AVEN: variants seen among roughly 807,000 people sequenced by gnomAD.
AVEN encodes apoptosis and caspase activation inhibitor.
Under a neutral mutation model 38.1 loss-of-function variants are expected in AVEN, and 41 were observed. The ratio of observed to expected loss-of-function variants is 1.08; its 90% CI spans 0.84 to 1.40. AVEN has a LOEUF of 1.40. Among genes scored for constraint, AVEN ranks in the 40% most tolerant of loss-of-function variants. The probability of loss-of-function intolerance (pLI) is 0.00; values close to 1 mark genes in which losing one functional copy is unlikely to be tolerated. For synonymous variants in AVEN, 206 were observed against 171.8 expected (o/e 1.20, Z -1.56); for missense variants, 605 against 438.8 (o/e 1.38, Z -3.38).
At position 33,867,808 on chromosome 15, in the gene AVEN, A is replaced by C; in HGVS notation, c.660T>G (p.Asp220Glu). ...EVPQVKPKRT[D>E]DGKGLGMQLK... is the part of the protein sequence containing the mutation. ...ACTGCATCCCTAATCCCTTGCCATC[A>C]TCAGTTCTCTTTGGTTTCACCTGAG... is the stretch of plus-strand genomic sequence containing the variant. Residue 220 changes from aspartate to glutamate, a missense_variant, in exon 5 of 6, where the codon GAT (aspartate) becomes GAG (glutamate). By Grantham distance (45) the Asp-to-Glu change is conservative (BLOSUM62 2). Transcript: ENST00000306730. The C allele has an allele frequency of 1.2e-6, 2 of 1,609,844 alleles. No individual in the cohort carries two copies. The highest frequency in any genetic ancestry group is 1.7e-6 in the Non-Finnish European group (2 of 1,178,760).
intron 2 of AVEN, among the ~76,000 whole-genome samples, chr15:33,966,812 T>A (rs1895405320): frequency 6.6e-6 from 1 of 152,186 alleles, no homozygotes; most frequent in Admixed American, 6.5e-5. Context: ...AGAAAGGAGC[T>A]AGGAGTTCAA....
At chr15:33,922,202 A>G (rs56379243) in intron 2 of AVEN, among the ~76,000 whole-genome samples, 106,471 of 151,644 alleles carry the variant, frequency 0.7, 37,556 homozygotes, top group East Asian at 0.81. Context: ...CAACCACTGG[A>G]GTACAAAGCG....
intron 2 of AVEN, among the ~76,000 whole-genome samples, chr15:33,876,544 C>G (rs1231556072): frequency 6.6e-6 from 1 of 152,004 alleles, no homozygotes; most frequent in Non-Finnish European, 1.5e-5. Flanking sequence ...TGCACTCCAG[C>G]CTGGGTGACA....
chr15:34,070,018 A>G (rs1233333534), intron 2 of AVEN, among the ~76,000 whole-genome samples: 1 of 152,186 alleles, frequency 6.6e-6, no homozygotes, highest in African/African-American at 2.4e-5. Flanking sequence ...GGTAATTTAT[A>G]AAGAAAAGAG....
At chr15:34,008,053 T>G (rs1263960423) in intron 1 of AVEN, among the ~76,000 whole-genome samples, 2 of 152,148 alleles carry the variant, frequency 1.3e-5, no homozygotes, top group Non-Finnish European at 2.9e-5. Context: ...TCAGAGGTAC[T>G]GCAGATTAGA....
chr15:33,926,894 GTCTGCCTGCC>G (rs1893626498), intron 2 of AVEN, among the ~76,000 whole-genome samples: 1 of 152,004 alleles, frequency 6.6e-6, no homozygotes, highest in Non-Finnish European at 1.5e-5. Context: ...ACCTCAGGTG[GTCTGCCTGCC>G]TCAGCCTCCC....
At chr15:34,073,207 ATTTTTT>A (rs761265891) in intron 1 of AVEN, among the ~76,000 whole-genome samples, 69 of 111,852 alleles carry the variant, frequency 6.2e-4, no homozygotes, top group African/African-American at 2.3e-3. Flanking sequence ...CGCCCGGCTA[ATTTTTT>A]TTTTTTTTTT....
At chr15:33,857,921 G>T, downstream of AVEN, 1 of 1,380,622 alleles carries the variant, frequency 7.2e-7, no homozygotes, top group Non-Finnish European at 9.6e-7. Context: ...GACGGTGAGA[G>T]CCCACCCACT....
At chr15:34,066,219 G>A (rs1182705229) in intron 3 of AVEN, 2 of 152,216 alleles carry the variant, frequency 1.3e-5, no homozygotes, top group African/African-American at 2.4e-5. Flanking sequence ...GAGGCTTTCG[G>A]GCCTCCGTGA....
At chr15:33,917,409 CTATA>C (rs1567412527) in intron 2 of AVEN, among the ~76,000 whole-genome samples, 42 of 145,870 alleles carry the variant, frequency 2.9e-4, no homozygotes, top group African/African-American at 1.1e-3. Context: ...TGGAATACTA[CTATA>C]TATATACACA....
In AVEN at chr15:33,938,238, G is replaced by A. The variant is rs1380312143; in HGVS notation, c.446-62243C>T. Among the ~76,000 whole-genome samples, 6 of 152,012 alleles carry A rather than the reference G, an allele frequency of 3.9e-5. No individual in the cohort carries two copies. The East Asian group carries it at 5.8e-4, about 15-fold the overall frequency. ...TGGGAGGCCGAGGTGGGCGGATCAC[G>A]AGGTCAGGAGATCGAGACCATCCTG... On this transcript the variant is annotated intron_variant, in intron 2 of 5. Coordinates refer to ENST00000306730, the MANE Select transcript of AVEN (RefSeq NM_020371.3).
intron 2 of AVEN, among the ~76,000 whole-genome samples, chr15:33,999,388 A>C (rs1296716187): frequency 6.6e-6 from 1 of 152,212 alleles, no homozygotes; most frequent in Non-Finnish European, 1.5e-5. Context: ...ATACCTTTGT[A>C]AATGATTCCT....
At chr15:33,878,230 GCTTT>G (rs1781369321) in intron 2 of AVEN, among the ~76,000 whole-genome samples, 1 of 152,004 alleles carries the variant, frequency 6.6e-6, no homozygotes, top group Non-Finnish European at 1.5e-5. Context: ...ACGAAGATAT[GCTTT>G]TTTTTAAATG....
intron 2 of AVEN, among the ~76,000 whole-genome samples, chr15:33,942,172 CTAAA>C (rs1422683844): frequency 1.3e-5 from 2 of 152,174 alleles, no homozygotes; most frequent in African/African-American, 4.8e-5. Context: ...ACAGCTATTA[CTAAA>C]TAGAGAAGAA....
At chr15:33,874,283 T>A (rs904972668) in intron 3 of AVEN, among the ~76,000 whole-genome samples, 3 of 152,166 alleles carry the variant, frequency 2.0e-5, no homozygotes, top group Admixed American at 1.3e-4. Context: ...GGAAAAAGTT[T>A]GCCCAAGTCT....
At chr15:33,972,908 G>A (rs1210281829) in intron 2 of AVEN, among the ~76,000 whole-genome samples, 2 of 152,142 alleles carry the variant, frequency 1.3e-5, no homozygotes, top group African/African-American at 4.8e-5. Context: ...ACTACTCCAC[G>A]CATAATTACA....
chr15:33,898,930 A>G (rs938075825), intron 2 of AVEN, among the ~76,000 whole-genome samples: 1 of 152,222 alleles, frequency 6.6e-6, no homozygotes, highest in African/African-American at 2.4e-5. Flanking sequence ...GTTAAGAGAT[A>G]TAAAGGAGAA....
chr15:33,892,768 T>C (rs1240415874), intron 2 of AVEN, among the ~76,000 whole-genome samples: 1 of 151,966 alleles, frequency 6.6e-6, no homozygotes, highest in Non-Finnish European at 1.5e-5. Context: ...AGAAAGTCAT[T>C]GGTAGCTTGA....
At chr15:34,045,871 A>G (rs927053012) in intron 5 of AVEN, among the ~76,000 whole-genome samples, 23 of 152,236 alleles carry the variant, frequency 1.5e-4, no homozygotes, top group Non-Finnish European at 2.9e-4. Context: ...GCAGAGAACA[A>G]GAAACAATCG....
Sources: allele counts gnomAD v4.1 joint callset (sites outside exome capture counted in the v4.1 genomes callset), GRCh38; gene constraint gnomAD v4.1.1; transcripts MANE v1.5; gene names NCBI Gene and HGNC (gene_info 2026-07-23, HGNC 2026-07-21).